Variants in SELENOH observed in about 807,000 individuals in gnomAD.
The protein encoded by SELENOH is chromosome 11 open reading frame 31.
SELENOH carries 13 observed loss-of-function variants against 11.9 expected under a neutral mutation model. The observed-to-expected ratio is 1.09, with a 90% CI of 0.71 to 1.74. SELENOH has a LOEUF of 1.74. SELENOH is among the 40% of genes most tolerant of loss of function. SELENOH has a pLI of 0.00. For synonymous variants in SELENOH, 96 were observed against 73.5 expected, an observed-to-expected ratio of 1.31 and a Z score of -1.56; for missense variants, 223 against 170.3, an observed-to-expected ratio of 1.31 and a Z score of -1.72.
At chr11:57,741,738 CG>C in intron 1 of SELENOH, 21 bp downstream of exon 1, 1 of 1,595,300 alleles carries the variant, frequency 6.3e-7, no homozygotes, top group Non-Finnish European at 8.5e-7. Context: ...TGGAGAGTAA[CG>C]GGAGAGAGGG....
Position 57,743,503 on chromosome 11 carries a change from A to G in SELENOH, c.*671A>G, listed in dbSNP as rs537987220. ...TGATCTCTGGTAAAACATGAGAAAT[A>G]CTTGTAAAAATTATGGGAGCAAAGT... On this transcript the variant is annotated 3_prime_UTR_variant, in exon 4 of 4. Transcript: ENST00000534355. 2.0e-5 allele frequency: 3 copies of G among 152,322 alleles called. No homozygotes were observed. In the South Asian group the frequency reaches 6.2e-4, roughly 32 times the overall value. The allele number at this position is 152,322 out of a possible 1,614,324, so 9.4% of individuals were successfully genotyped here.
rs983453754 is a variant in SELENOH at position 57,741,528 on chromosome 11, G to A, written c.-68G>A. 10 of 1,217,726 alleles carry A rather than the reference G, an allele frequency of 8.2e-6. No individual in the cohort carries two copies. Among genetic ancestry groups the A allele is most frequent in the Middle Eastern group, 3.1e-4 (1 of 3,184 alleles). The allele number at this position is 1,217,726 out of a possible 1,614,324, so 75.4% of individuals were successfully genotyped here. A position where few individuals can be genotyped will look rare whatever the true frequency, so the allele number is the denominator to read the frequency against. On this transcript the variant is annotated 5_prime_UTR_variant, in exon 1 of 4. Coordinates refer to ENST00000534355, the MANE Select transcript of SELENOH (RefSeq NM_170746.4). ...CTGCGCTCTTCGTTGCCCAGTTTCC[G>A]CTCAGTGGTCGCGTCTCCGCCCCCC...
rs1354008709 is a variant in SELENOH, at chr11:57,741,500, G to C, written c.-96G>C. ...TTTCCGCTGTAGGAGCAGAGCTTCC[G>C]GGCTGCGCTCTTCGTTGCCCAGTTT... On this transcript the variant is annotated 5_prime_UTR_variant, in exon 1 of 4. Coordinates refer to ENST00000534355, the MANE Select transcript of SELENOH (RefSeq NM_170746.4). 1.4e-5 allele frequency: 14 copies of C among 1,005,570 alleles called. No individual in the cohort carries two copies. Among genetic ancestry groups the C allele is most frequent in the Non-Finnish European group, 1.7e-5 (13 of 779,914 alleles). The allele number at this position is 1,005,570 out of a possible 1,614,324, so 62.3% of individuals were successfully genotyped here.
At chr11:57,742,309 G>A in intron 3 of SELENOH, 62 bp downstream of exon 3, 1 of 1,248,312 alleles carries the variant, frequency 8.0e-7, no homozygotes, top group South Asian at 1.3e-5. Context: ...TGATCTTGGT[G>A]TGGCTACAAG....
At chr11:57,742,453 C>G (rs962110547) in intron 3 of SELENOH, 4 of 516,610 alleles carry the variant, frequency 7.7e-6, no homozygotes, top group African/African-American at 1.9e-5. Flanking sequence ...TGTTTTCTGT[C>G]TAGTGTGCCC....
In SELENOH at chr11:57,741,548, C is replaced by T. The variant is rs894470467; in HGVS notation, c.-48C>T. 2.4e-6 allele frequency: 3 copies of T among 1,239,544 alleles called. No homozygotes were observed. The highest frequency in any genetic ancestry group is 8.3e-5 in the South Asian group (2 of 24,156). 76.8% of individuals were successfully genotyped at this position (1,239,544 alleles called of 1,614,324 possible). On this transcript the variant is annotated 5_prime_UTR_variant, in exon 1 of 4. Coordinates refer to ENST00000534355, the MANE Select transcript of SELENOH (RefSeq NM_170746.4). Reference sequence around the variant, plus strand: ...TTTCCGCTCAGTGGTCGCGTCTCCGCCCCCCACCCACCAGTCCCGCTGCAT... The same window carrying T: ...TTTCCGCTCAGTGGTCGCGTCTCCGTCCCCCACCCACCAGTCCCGCTGCAT...
At chr11:57,742,338 A>G in intron 3 of SELENOH, 91 bp downstream of exon 3, 1 of 920,492 alleles carries the variant, frequency 1.1e-6, no homozygotes, top group Admixed American at 2.3e-5. Flanking sequence ...TGGCGTGGGT[A>G]GCTCACGCCT....
At position 57,741,663 on chromosome 11, in the gene SELENOH, A is replaced by G. The variant is rs1239312575; in HGVS notation, c.68A>G (p.Lys23Arg). 6.8e-7 allele frequency: 1 copy of G among 1,466,012 alleles called. No homozygotes were observed. Among genetic ancestry groups the G allele is most frequent in the African/African-American group, 1.5e-5 (1 of 68,180 alleles). The allele number at this position is 1,466,012 out of a possible 1,614,324, so 90.8% of individuals were successfully genotyped here. A position where few individuals can be genotyped will look rare whatever the true frequency, so the allele number is the denominator to read the frequency against. Residue 23 changes from lysine (K) to arginine (R), a missense_variant, in exon 1 of 4, where the codon AAG (lysine) becomes AGG (arginine). Coordinates refer to ENST00000534355, the MANE Select transcript of SELENOH (RefSeq NM_170746.4). The stretch of plus-strand genomic sequence containing the variant: ...GTCGCCGTAGCCGAGAAGCGAGAGA[A>G]GCTGGCGAACGGCGGGGAGGGAATG... ...AVVAVAEKREKLANGGEGMEE... is the reference protein window; with the variant it reads ...AVVAVAEKRERLANGGEGMEE...
At chr11:57,742,279 T>C in intron 3 of SELENOH, 32 bp downstream of exon 3, 1 of 1,452,744 alleles carries the variant, frequency 6.9e-7, no homozygotes, top group Non-Finnish European at 9.5e-7. Context: ...GCGCGACCGC[T>C]GTTGAGGAAG....
rs1197980298 is a variant in SELENOH at position 57,742,205 on chromosome 11, G to A, written c.357G>A (p.Lys119=). The change falls in exon 3 of 4, where the codon AAG becomes AAA. Residue 119 remains lysine (K), a synonymous_variant. Coordinates refer to ENST00000534355, the MANE Select transcript of SELENOH (RefSeq NM_170746.4). ...AAGAGGTGGTGGAAGAGTTGAAGAA[G>A]TACCTGTCGTAGGGAGATTTGGGTA... The part of the protein sequence containing the change: ...EPQEVVEELK[K]YLS The A allele has an allele frequency of 1.2e-6, 2 of 1,609,086 alleles. No homozygotes were observed. The highest frequency in any genetic ancestry group is 1.1e-5 in the South Asian group (1 of 89,868).
In SELENOH at chr11:57,741,864, C is replaced by G; in HGVS notation, c.178C>G (p.Leu60Val). The change falls in exon 2 of 4, where the codon CTG becomes GTG. Residue 60 changes from leucine (L) to valine (V), a missense_variant. Transcript: ENST00000534355. The part of the protein sequence containing the change: ...NAAALSQALR[L>V]EAPELPVKVN... ...CGCGGCCCTGAGCCAGGCGCTGCGC[C>G]TGGAGGCCCCAGAGCTTCCAGTAAA... The G allele has an allele frequency of 6.2e-7, 1 of 1,604,934 alleles. No homozygotes were observed. Among genetic ancestry groups the G allele is most frequent in the Non-Finnish European group, 8.5e-7 (1 of 1,176,754 alleles).
At position 57,741,565 on chromosome 11, in the gene SELENOH, C is replaced by T. The variant is rs116830030; in HGVS notation, c.-31C>T. 1,872 of 1,253,030 alleles carry T rather than the reference C, an allele frequency of 1.5e-3. 35 individuals are homozygous for T. The African/African-American group carries it at 0.026, about 17-fold the overall frequency. 77.6% of individuals were successfully genotyped at this position (1,253,030 alleles called of 1,614,324 possible). On this transcript the variant is annotated 5_prime_UTR_variant, in exon 1 of 4. Coordinates refer to ENST00000534355, the MANE Select transcript of SELENOH (RefSeq NM_170746.4). ...CGTCTCCGCCCCCCACCCACCAGTCCCGCTGCATTCTCGGCCGGGCTCTAG... is the reference window on the plus strand; with the variant it reads ...CGTCTCCGCCCCCCACCCACCAGTCTCGCTGCATTCTCGGCCGGGCTCTAG...
intron 3 of SELENOH, chr11:57,742,539 T>A: frequency 2.9e-6 from 1 of 349,256 alleles, no homozygotes; most frequent in Admixed American, 4.6e-5. Context: ...CATTTGGAAG[T>A]TTATTTCATG....
chr11:57,741,772 A>G (rs770899758), intron 1 of SELENOH, 37 bp from the exon 2 acceptor site: 77 of 1,599,560 alleles, frequency 4.8e-5, no homozygotes, highest in South Asian at 9.0e-5. Context: ...GGGGGGGGCC[A>G]GGGGCCCCGG....
In SELENOH at chr11:57,743,241, C is replaced by T. The variant is rs567221212; in HGVS notation, c.*409C>T. The T allele has an allele frequency of 1.3e-5, 2 of 152,268 alleles. No individual in the cohort carries two copies. Among genetic ancestry groups the T allele is most frequent in the African/African-American group, 4.8e-5 (2 of 41,540 alleles). The allele number at this position is 152,268 out of a possible 1,614,324, so 9.4% of individuals were successfully genotyped here. A position where few individuals can be genotyped will look rare whatever the true frequency, so the allele number is the denominator to read the frequency against. On this transcript the variant is annotated 3_prime_UTR_variant, in exon 4 of 4. Coordinates refer to ENST00000534355, the MANE Select transcript of SELENOH (RefSeq NM_170746.4). The stretch of plus-strand genomic sequence containing the variant: ...TATCTCGGCTCACTGCAACCATTGT[C>T]TCCCAGGTTCAAGCGATACTCCTGC...
At chr11:57,742,063 G>A in intron 2 of SELENOH, 54 bp from the exon 3 acceptor site, 1 of 1,590,230 alleles carries the variant, frequency 6.3e-7, no homozygotes, top group East Asian at 2.3e-5. Context: ...TGACTTCAGA[G>A]ACGTGCTCGT....
chr11:57,742,268 G>A (rs1949103866), intron 3 of SELENOH, 21 bp downstream of exon 3: 1 of 1,498,170 alleles, frequency 6.7e-7, no homozygotes, highest in Non-Finnish European at 9.1e-7. Flanking sequence ...GGAAGTGGGG[G>A]GCGCGACCGC....
At position 57,741,868 on chromosome 11, in the gene SELENOH, A is replaced by G; in HGVS notation, c.182A>G (p.Glu61Gly). Residue 61 changes from glutamate (E) to glycine (G), a missense_variant, in exon 2 of 4, where the codon GAG (glutamate) becomes GGG (glycine). Glu to Gly is a moderately conservative substitution (Grantham distance 98, BLOSUM62 -2). Transcript: ENST00000534355. Reference sequence around the variant, plus strand: ...GCCCTGAGCCAGGCGCTGCGCCTGGAGGCCCCAGAGCTTCCAGTAAAGGTG... The same window carrying G: ...GCCCTGAGCCAGGCGCTGCGCCTGGGGGCCCCAGAGCTTCCAGTAAAGGTG... ...AAALSQALRL[E>G]APELPVKVNP... 2 of 1,603,228 alleles carry G rather than the reference A, an allele frequency of 1.2e-6. No homozygotes were observed. The highest frequency in any genetic ancestry group is 1.7e-6 in the Non-Finnish European group (2 of 1,176,434).
In SELENOH at chr11:57,742,208, C is replaced by T; in HGVS notation, c.360C>T (p.Tyr120=). ...PQEVVEELKK[Y]LS Reference sequence around the variant, plus strand: ...AGGTGGTGGAAGAGTTGAAGAAGTACCTGTCGTAGGGAGATTTGGGTAGAA... The same window carrying T: ...AGGTGGTGGAAGAGTTGAAGAAGTATCTGTCGTAGGGAGATTTGGGTAGAA... Residue 120 remains tyrosine (Y), a synonymous_variant, in exon 3 of 4, where the codon TAC becomes TAT. Coordinates refer to ENST00000534355, the MANE Select transcript of SELENOH (RefSeq NM_170746.4). 5.0e-6 allele frequency: 8 copies of T among 1,608,792 alleles called. No individual in the cohort carries two copies. Among genetic ancestry groups the T allele is most frequent in the South Asian group, 1.1e-5 (1 of 89,818 alleles).
Sources: allele counts gnomAD v4.1 joint callset, GRCh38; gene constraint gnomAD v4.1.1; transcripts MANE v1.5; gene names NCBI Gene and HGNC (gene_info 2026-07-23, HGNC 2026-07-21).